LTBP1: variants seen among roughly 807,000 people sequenced by gnomAD.
LTBP1 encodes the protein latent-transforming growth factor beta-binding protein 1.
LTBP1 carries 129 observed loss-of-function variants against 207.6 expected under a neutral mutation model. The observed-to-expected ratio is 0.62, with a 90% CI of 0.54 to 0.72. LTBP1 has a LOEUF of 0.72. Among genes scored for constraint, LTBP1 ranks in the 30% least tolerant of loss-of-function variants. LTBP1 has a pLI of 0.00. For synonymous variants in LTBP1, 963 were observed against 833.7 expected (o/e 1.16, Z -2.67); for missense variants, 2,281 against 2,217.2 (o/e 1.03, Z -0.58).
At chr2:33,189,161 T>C (rs1193944997) in intron 7 of LTBP1, among the ~76,000 whole-genome samples, 2 of 151,082 alleles carry the variant, frequency 1.3e-5, no homozygotes, top group South Asian at 2.1e-4. Flanking sequence ...GTCCCTGATG[T>C]ACAGAATACA....
intron 5 of LTBP1, among the ~76,000 whole-genome samples, chr2:33,183,971 C>G (rs1259032408): frequency 1.3e-5 from 2 of 152,082 alleles, no homozygotes; most frequent in Non-Finnish European, 2.9e-5. Context: ...TTCCAACTCT[C>G]TCCTCCCTCC....
intron 2 of LTBP1, 27 bp from the exon 3 acceptor site, chr2:33,020,882 G>A (rs773727839): frequency 3.9e-6 from 6 of 1,546,332 alleles, no homozygotes; most frequent in Non-Finnish European, 5.3e-6. Context: ...GTTCTTCAAA[G>A]CTGTGCCTTC....
At chr2:33,078,857 C>CTTT (rs879714056) in intron 3 of LTBP1, among the ~76,000 whole-genome samples, 27,683 of 86,948 alleles carry the variant, frequency 0.32, 6,108 homozygotes, top group East Asian at 0.59. Context: ...CTTTTCTTTT[C>CTTT]TTTTCTTTTT....
chr2:33,255,853 T>G (rs2092834184), intron 11 of LTBP1, among the ~76,000 whole-genome samples: 1 of 152,182 alleles, frequency 6.6e-6, no homozygotes, highest in African/African-American at 2.4e-5. Flanking sequence ...AGAAATGACT[T>G]ATTTTATATT....
intron 8 of LTBP1, among the ~76,000 whole-genome samples, chr2:33,217,979 T>G (rs973340004): frequency 6.6e-6 from 1 of 152,244 alleles, no homozygotes; most frequent in Non-Finnish European, 1.5e-5. Context: ...GGTAAATAAA[T>G]GTTTCAAACC....
chr2:33,107,402 CTT>C (rs1403768604), intron 3 of LTBP1, among the ~76,000 whole-genome samples: 2 of 152,138 alleles, frequency 1.3e-5, no homozygotes, highest in Middle Eastern at 3.4e-3. Context: ...TGAAATGTCT[CTT>C]GTGTGTTTAT....
intron 3 of LTBP1, among the ~76,000 whole-genome samples, chr2:33,026,281 C>T (rs1292636825): frequency 1.3e-5 from 2 of 152,110 alleles, no homozygotes; most frequent in Admixed American, 6.6e-5. Context: ...CCAACTCTCT[C>T]CCAGGTTTCT....
intron 7 of LTBP1, among the ~76,000 whole-genome samples, chr2:33,208,527 A>G (rs1342002067): frequency 2.0e-5 from 3 of 152,136 alleles, no homozygotes; most frequent in Non-Finnish European, 2.9e-5. Context: ...ATCCTTGATT[A>G]GGTTGGCCTA....
chr2:33,057,389 C>T (rs1168651474), intron 3 of LTBP1, among the ~76,000 whole-genome samples: 2 of 152,232 alleles, frequency 1.3e-5, no homozygotes, highest in Non-Finnish European at 2.9e-5. Flanking sequence ...ACTGGGGCCG[C>T]AGGTCGAGCT....
intron 27 of LTBP1, among the ~76,000 whole-genome samples, chr2:33,361,154 C>T (rs1179311696): frequency 6.6e-6 from 1 of 152,100 alleles, no homozygotes; most frequent in Non-Finnish European, 1.5e-5. Flanking sequence ...TACTATACAT[C>T]ACAGTAGTGG....
At chr2:33,072,252 G>A (rs781582937) in intron 3 of LTBP1, among the ~76,000 whole-genome samples, 15 of 152,184 alleles carry the variant, frequency 9.9e-5, no homozygotes, top group African/African-American at 3.1e-4. Context: ...GGGAAGGGGC[G>A]CAGATCTTCC....
At chr2:33,342,345 C>G (rs974813361) in intron 24 of LTBP1, among the ~76,000 whole-genome samples, 2 of 152,198 alleles carry the variant, frequency 1.3e-5, no homozygotes, top group Non-Finnish European at 2.9e-5. Flanking sequence ...TCATCAGACT[C>G]TCTCTTGACT....
intron 5 of LTBP1, among the ~76,000 whole-genome samples, chr2:33,141,205 CA>C (rs2082623563): frequency 6.6e-6 from 1 of 152,162 alleles, no homozygotes. Flanking sequence ...AAACCAAATA[CA>C]GTATGAGTCC....
chr2:33,348,908 C>T (rs1021426516), intron 26 of LTBP1, among the ~76,000 whole-genome samples: 2 of 152,108 alleles, frequency 1.3e-5, no homozygotes, highest in African/African-American at 4.8e-5. Context: ...TTTTATCATG[C>T]CTCAATTTGT....
chr2:33,232,236 G>T (rs1439951612), intron 9 of LTBP1, among the ~76,000 whole-genome samples: 2 of 152,144 alleles, frequency 1.3e-5, no homozygotes, highest in African/African-American at 2.4e-5. Flanking sequence ...GGGGATTCTG[G>T]CTAAACTAAC....
chr2:33,237,248 CAA>C (rs1278264621), intron 9 of LTBP1, among the ~76,000 whole-genome samples: 1 of 152,114 alleles, frequency 6.6e-6, no homozygotes, highest in Non-Finnish European at 1.5e-5. Flanking sequence ...CACAGAAAAA[CAA>C]GAGATTTTGC....
At chr2:32,950,077 T>C (rs1247312330) in intron 2 of LTBP1, among the ~76,000 whole-genome samples, 1 of 152,226 alleles carries the variant, frequency 6.6e-6, no homozygotes, top group East Asian at 1.9e-4. Flanking sequence ...TCTTAAATTA[T>C]ACTTGTCAGA....
At chr2:33,302,069 T>C (rs931937491) in intron 22 of LTBP1, among the ~76,000 whole-genome samples, 3 of 152,222 alleles carry the variant, frequency 2.0e-5, no homozygotes, top group East Asian at 1.9e-4. Flanking sequence ...GCATAAAATA[T>C]TTCTGAAAGA....
chr2:33,267,154 C>T (rs1035356582), intron 15 of LTBP1, among the ~76,000 whole-genome samples: 4 of 152,260 alleles, frequency 2.6e-5, no homozygotes, highest in African/African-American at 9.6e-5. Flanking sequence ...CCTGTGCCAG[C>T]ACCTGGAGCT....
Sources: allele counts gnomAD v4.1 joint callset (sites outside exome capture counted in the v4.1 genomes callset), GRCh38; gene constraint gnomAD v4.1.1; transcripts MANE v1.5; gene names NCBI Gene and HGNC (gene_info 2026-07-23, HGNC 2026-07-21).